Variants in ACSL5 observed in about 807,000 individuals in gnomAD.
The protein encoded by ACSL5 is acyl-CoA synthetase long chain family member 5.
Under a neutral mutation model 84.9 loss-of-function variants are expected in ACSL5, and 50 were observed. The ratio of observed to expected loss-of-function variants is 0.59; its 90% CI spans 0.47 to 0.75. The LOEUF (loss-of-function observed/expected upper bound fraction) is 0.75. Ranked by LOEUF, ACSL5 falls within the 30% of genes least tolerant of loss-of-function variation. The pLI is 0.00. For missense variants in ACSL5, 775 were observed against 830.4 expected (o/e 0.93, Z 0.82); for synonymous variants, 280 against 300.7 (o/e 0.93, Z 0.71).
rs1844477435 is a variant in ACSL5, at chr10:112,422,028, A to G, written c.1469A>G (p.Glu490Gly). 1 of 1,614,180 alleles carries G rather than the reference A, an allele frequency of 6.2e-7. No individual in the cohort carries two copies. The highest frequency in any genetic ancestry group is 8.5e-7 in the Non-Finnish European group (1 of 1,180,026). The part of the protein sequence containing the change: ...ADMNYFTVNN[E>G]GEVCIKGTNV... ...ATGAACTACTTTACAGTGAATAATG[A>G]AGGAGAGGTGGGTAGGTCATGCCCT... Residue 490 changes from glutamate to glycine, a missense_variant, in exon 16 of 21, where the codon GAA becomes GGA. Physicochemically the swap from Glu to Gly is moderately conservative, Grantham distance 98 (BLOSUM62 -2). Coordinates refer to ENST00000354655, the MANE Select transcript of ACSL5 (RefSeq NM_203379.2).
chr10:112,392,728 G>A (rs1470343594), intron 1 of ACSL5, among the ~76,000 whole-genome samples: 4 of 140,578 alleles, frequency 2.8e-5, no homozygotes, highest in Non-Finnish European at 4.6e-5. Flanking sequence ...GTGACAGAGC[G>A]AGATTCTGTC....
intron 1 of ACSL5, among the ~76,000 whole-genome samples, chr10:112,387,544 T>G (rs185971615): frequency 1.4e-3 from 217 of 152,288 alleles, no homozygotes; most frequent in Middle Eastern, 3.4e-3. Flanking sequence ...AAAAATGATT[T>G]TAGAAGCTGG....
At chr10:112,409,769 T>C in intron 7 of ACSL5, 84 bp downstream of exon 7, 3 of 1,385,972 alleles carry the variant, frequency 2.2e-6, no homozygotes, top group South Asian at 1.3e-5. Flanking sequence ...AAGAGGACAG[T>C]GTTCTTGTTC....
intron 18 of ACSL5, 62 bp downstream of exon 18, chr10:112,425,543 C>T (rs1039752369): frequency 4.6e-6 from 6 of 1,310,146 alleles, no homozygotes; most frequent in African/African-American, 1.6e-5. Context: ...CTTGTAGCTA[C>T]AGGAAATTTG....
At chr10:112,374,633 A>G (rs1849205092) in intron 1 of ACSL5, among the ~76,000 whole-genome samples, 1 of 152,210 alleles carries the variant, frequency 6.6e-6, no homozygotes, top group Non-Finnish European at 1.5e-5. Context: ...TCAGCTGCTG[A>G]GGGCAGAGAG....
At chr10:112,413,907 T>A (rs962937849) in intron 12 of ACSL5, among the ~76,000 whole-genome samples, 12 of 152,110 alleles carry the variant, frequency 7.9e-5, no homozygotes, top group African/African-American at 2.7e-4. Flanking sequence ...CCCCATGATA[T>A]ACATTTCAGA....
Position 112,411,905 on chromosome 10 carries a change from G to C in ACSL5, c.874G>C (p.Ala292Pro). 1.2e-6 allele frequency: 2 copies of C among 1,613,452 alleles called. No individual in the cohort carries two copies. The highest frequency in any genetic ancestry group is 1.7e-6 in the Non-Finnish European group (2 of 1,179,366). The part of the protein sequence containing the change: ...AAAFLKCVEH[A>P]YEPTPDDVAI... ...CTTACTTCCCTGGCCTACATAGCAT[G>C]CTTATGAGCCCACTCCTGATGATGT... is the stretch of plus-strand genomic sequence containing the variant. The change falls in exon 11 of 21, where the codon GCT (alanine) becomes CCT (proline). Residue 292 changes from alanine (A) to proline (P), a missense_variant. Ala to Pro is a conservative substitution (Grantham distance 27). Transcript: ENST00000354655.
chr10:112,380,734 A>ACAT (rs1426001153), intron 1 of ACSL5, among the ~76,000 whole-genome samples: 1 of 152,186 alleles, frequency 6.6e-6, no homozygotes, highest in African/African-American at 2.4e-5. Context: ...ATCTTACTAG[A>ACAT]CATCAGCTTG....
intron 3 of ACSL5, among the ~76,000 whole-genome samples, chr10:112,401,764 C>T (rs187384722): frequency 6.6e-6 from 1 of 152,058 alleles, no homozygotes; most frequent in East Asian, 1.9e-4. Context: ...TCTCTCCTTT[C>T]TTTCTTTCTT....
In ACSL5 at chr10:112,411,904, T is replaced by C. The variant is rs1402506351; in HGVS notation, c.873T>C (p.His291=). The C allele has an allele frequency of 1.2e-6, 2 of 1,613,336 alleles. No individual in the cohort carries two copies. Among genetic ancestry groups the C allele is most frequent in the African/African-American group, 1.3e-5 (1 of 74,926 alleles). Residue 291 remains histidine (H), a splice_region_variant and synonymous_variant, in exon 11 of 21, where the codon CAT becomes CAC. Transcript: ENST00000354655. ...NAAAFLKCVE[H]AYEPTPDDVA... Reference sequence around the variant, plus strand: ...TCTTACTTCCCTGGCCTACATAGCATGCTTATGAGCCCACTCCTGATGATG... The same window carrying C: ...TCTTACTTCCCTGGCCTACATAGCACGCTTATGAGCCCACTCCTGATGATG...
chr10:112,411,927 A>G lies in ACSL5; in HGVS notation c.896A>G (p.Asp299Gly). The G allele has an allele frequency of 6.2e-7, 1 of 1,614,008 alleles. No individual in the cohort carries two copies. The change falls in exon 11 of 21, where the codon GAT becomes GGT. Residue 299 changes from aspartate (D) to glycine (G), a missense_variant. Asp to Gly is a moderately conservative substitution (Grantham distance 94). Transcript: ENST00000354655. The part of the protein sequence containing the change: ...VEHAYEPTPD[D>G]VAISYLPLAH... Reference sequence around the variant, plus strand: ...CATGCTTATGAGCCCACTCCTGATGATGTGGCCATATCCTACCTCCCTCTG... The same window carrying G: ...CATGCTTATGAGCCCACTCCTGATGGTGTGGCCATATCCTACCTCCCTCTG...
intron 1 of ACSL5, among the ~76,000 whole-genome samples, chr10:112,390,140 T>A (rs1252627407): frequency 1.3e-5 from 2 of 152,050 alleles, no homozygotes; most frequent in Non-Finnish European, 2.9e-5. Flanking sequence ...ACCTACAGAA[T>A]GGAAGAAAAT....
intron 1 of ACSL5, among the ~76,000 whole-genome samples, chr10:112,389,617 G>T (rs1394904330): frequency 3.3e-5 from 5 of 152,146 alleles, no homozygotes; most frequent in Non-Finnish European, 7.3e-5. Flanking sequence ...TGCCAGTCAC[G>T]CCCACTGCTT....
At position 112,386,902 on chromosome 10, in the gene ACSL5, T is replaced by A. The variant is rs979433794; in HGVS notation, c.-29-8016T>A. ...CTCTCTGCATACCAATTTTAGTAACTGGCCACCTCCAAATTATCTCAGTAA... is the reference window on the plus strand; with the variant it reads ...CTCTCTGCATACCAATTTTAGTAACAGGCCACCTCCAAATTATCTCAGTAA... On this transcript the variant is annotated intron_variant, in intron 1 of 20. Transcript: ENST00000354655. 1.2e-4 allele frequency among the ~76,000 whole-genome samples: 19 copies of A among 152,338 alleles called. No homozygotes were observed. The South Asian group carries it at 3.9e-3, about 32-fold the overall frequency.
chr10:112,383,016 C>T lies in ACSL5; in HGVS notation c.-30+8747C>T, dbSNP rs961978907. Among the ~76,000 whole-genome samples the T allele has an allele frequency of 2.6e-5, 4 of 152,166 alleles. No homozygotes were observed. In the East Asian group the frequency reaches 5.8e-4, roughly 22 times the overall value. The stretch of plus-strand genomic sequence containing the variant: ...GGGTGCCATGGCTCATGCCTGTAAT[C>T]CCAGAACTTTAGGAGGCTGAGGCAG... On this transcript the variant is annotated intron_variant, in intron 1 of 20. Coordinates refer to ENST00000354655, the MANE Select transcript of ACSL5 (RefSeq NM_203379.2).
Position 112,421,965 on chromosome 10 carries a change from T to A in ACSL5, c.1406T>A (p.Leu469Gln), listed in dbSNP as rs866552753. ...DWTSGHVGVPLACNYVKLEDV... is the reference protein window; with the variant it reads ...DWTSGHVGVPQACNYVKLEDV... ...GTTCTAGGTCACGTTGGGGTGCCCC[T>A]GGCTTGCAATTACGTGAAGCTGGAA... is the stretch of plus-strand genomic sequence containing the variant. Residue 469 changes from leucine to glutamine, a missense_variant, in exon 16 of 21, where the codon CTG (leucine) becomes CAG (glutamine). Leu to Gln is a moderately radical substitution (Grantham distance 113). Coordinates refer to ENST00000354655, the MANE Select transcript of ACSL5 (RefSeq NM_203379.2). 1.9e-6 allele frequency: 3 copies of A among 1,614,224 alleles called. No homozygotes were observed. The Middle Eastern group carries it at 4.9e-4, about 266-fold the overall frequency.
chr10:112,376,448 G>T (rs1849241548), intron 1 of ACSL5: 1 of 1,613,976 alleles, frequency 6.2e-7, no homozygotes, highest in South Asian at 1.1e-5. Flanking sequence ...CCCCTCGCAG[G>T]GTAAGGGGAC....
At chr10:112,395,136 C>T in intron 2 of ACSL5, 34 bp downstream of exon 2, 1 of 1,590,500 alleles carries the variant, frequency 6.3e-7, no homozygotes. Flanking sequence ...GTTTGTCAAC[C>T]TTCCTCAAAC....
intron 18 of ACSL5, 97 bp from the exon 19 acceptor site, chr10:112,426,161 A>G (rs1564746565): frequency 1.1e-6 from 1 of 937,862 alleles, no homozygotes; most frequent in East Asian, 2.5e-5. Flanking sequence ...TGGGGAAATA[A>G]CTATTACAAT....
Sources: allele counts gnomAD v4.1 joint callset (sites outside exome capture counted in the v4.1 genomes callset), GRCh38; gene constraint gnomAD v4.1.1; transcripts MANE v1.5; gene names NCBI Gene and HGNC (gene_info 2026-07-23, HGNC 2026-07-21).